CCSER1: variants seen among roughly 807,000 people sequenced by gnomAD.
The protein encoded by CCSER1 is coiled-coil serine rich protein 1.
CCSER1 carries 41 observed loss-of-function variants against 82.0 expected under a neutral mutation model. The observed-to-expected ratio is 0.50, with a 90% CI of 0.39 to 0.65. The LOEUF (loss-of-function observed/expected upper bound fraction) is 0.65, where lower values mean the gene tolerates loss of function less well. Ranked by LOEUF, CCSER1 falls within the 30% of genes least tolerant of loss-of-function variation. CCSER1 has a pLI of 0.00. For synonymous variants in CCSER1, 414 were observed against 383.9 expected (o/e 1.08, Z -0.92); for missense variants, 1,119 against 1,064.2 (o/e 1.05, Z -0.72).
At chr4:91,044,114 G>C (rs928999626) in intron 9 of CCSER1, among the ~76,000 whole-genome samples, 2 of 152,152 alleles carry the variant, frequency 1.3e-5, no homozygotes, top group African/African-American at 4.8e-5. Flanking sequence ...AGTGTGTGGG[G>C]TCTGGGCAAA....
chr4:91,598,918 A>G lies in CCSER1; in HGVS notation c.2564A>G (p.Gln855Arg). The G allele has an allele frequency of 6.4e-7, 1 of 1,551,620 alleles. No individual in the cohort carries two copies. The highest frequency in any genetic ancestry group is 1.2e-5 in the South Asian group (1 of 84,064). ...AAGGACCAAGTTGCTACGGCCCGAC[A>G]GCATTCGACCTTTACAGGCAGGTTT... ...KPKDQVATAR[Q>R]HSTFTGRFGQ... Residue 855 changes from glutamine (Q) to arginine (R), a missense_variant, in exon 11 of 11, where the codon CAG (glutamine) becomes CGG (arginine). Coordinates refer to ENST00000509176, the MANE Select transcript of CCSER1 (RefSeq NM_001145065.2).
chr4:90,295,469 T>C (rs1446688776), intron 1 of CCSER1, among the ~76,000 whole-genome samples: 1 of 152,028 alleles, frequency 6.6e-6, no homozygotes, highest in Non-Finnish European at 1.5e-5. Flanking sequence ...GTTACTATTC[T>C]TTGCTCCCTT....
intron 4 of CCSER1, among the ~76,000 whole-genome samples, chr4:90,422,396 T>C (rs1006881588): frequency 6.6e-6 from 1 of 152,096 alleles, no homozygotes; most frequent in Non-Finnish European, 1.5e-5. Context: ...AGTTCAAGAC[T>C]AGCCTAGACA....
At chr4:90,861,011 A>G (rs1001652175) in intron 8 of CCSER1, among the ~76,000 whole-genome samples, 1 of 151,696 alleles carries the variant, frequency 6.6e-6, no homozygotes, top group African/African-American at 2.4e-5. Context: ...ATTTTATTGT[A>G]TATGAATTAT....
intron 1 of CCSER1, among the ~76,000 whole-genome samples, chr4:90,300,205 A>C (rs1034708811): frequency 6.6e-6 from 1 of 152,186 alleles, no homozygotes; most frequent in African/African-American, 2.4e-5. Context: ...AGGTCAGACT[A>C]CTGATCTCAC....
chr4:91,282,853 C>G (rs1743020092), intron 10 of CCSER1, among the ~76,000 whole-genome samples: 1 of 152,032 alleles, frequency 6.6e-6, no homozygotes, highest in Non-Finnish European at 1.5e-5. Context: ...TTAACTGATT[C>G]TGAACCAAAT....
chr4:90,539,704 A>G (rs1775866417), intron 5 of CCSER1, among the ~76,000 whole-genome samples: 1 of 152,126 alleles, frequency 6.6e-6, no homozygotes, highest in Non-Finnish European at 1.5e-5. Context: ...TCTGTCTCAA[A>G]GTTTTGTAGG....
At chr4:90,333,840 T>C (rs983678795) in intron 3 of CCSER1, among the ~76,000 whole-genome samples, 1 of 152,202 alleles carries the variant, frequency 6.6e-6, no homozygotes, top group East Asian at 1.9e-4. Flanking sequence ...GAAAGTTGGA[T>C]ACAAAATCGG....
intron 8 of CCSER1, among the ~76,000 whole-genome samples, chr4:90,865,975 A>G (rs188922850): frequency 1.3e-5 from 2 of 152,090 alleles, no homozygotes; most frequent in Admixed American, 1.3e-4. Flanking sequence ...CATGTCTTAC[A>G]TGGTCAGAGC....
At chr4:90,347,808 T>G (rs1742656221) in intron 3 of CCSER1, among the ~76,000 whole-genome samples, 1 of 151,986 alleles carries the variant, frequency 6.6e-6, no homozygotes, top group Admixed American at 6.6e-5. Flanking sequence ...AATGTTCAGT[T>G]GAAGTAAAAG....
intron 10 of CCSER1, among the ~76,000 whole-genome samples, chr4:91,115,460 G>A (rs886553965): frequency 9.9e-5 from 15 of 151,980 alleles, no homozygotes; most frequent in African/African-American, 3.4e-4. Context: ...CCAAGTGGTT[G>A]GGACTACAGG....
chr4:90,902,627 A>T (rs1433480643), intron 8 of CCSER1, among the ~76,000 whole-genome samples: 1 of 151,884 alleles, frequency 6.6e-6, no homozygotes, highest in Non-Finnish European at 1.5e-5. Flanking sequence ...TGTTGTAGTG[A>T]TGTGTTAGAC....
intron 10 of CCSER1, among the ~76,000 whole-genome samples, chr4:91,395,501 T>C (rs1485606973): frequency 6.6e-6 from 1 of 152,012 alleles, no homozygotes; most frequent in African/African-American, 2.4e-5. Flanking sequence ...ATTTGTGGAC[T>C]GAGGTGTGTC....
intron 6 of CCSER1, among the ~76,000 whole-genome samples, chr4:90,633,391 T>C (rs1297414390): frequency 6.6e-6 from 1 of 152,042 alleles, no homozygotes; most frequent in Non-Finnish European, 1.5e-5. Context: ...AGATTTAATT[T>C]AATCAAGACC....
chr4:90,542,491 G>A (rs534968322), intron 5 of CCSER1, among the ~76,000 whole-genome samples: 19 of 152,110 alleles, frequency 1.2e-4, no homozygotes, highest in South Asian at 2.1e-4. Context: ...TTCATGCACC[G>A]CAATCAAGTT....
At position 91,123,098 on chromosome 4, in the gene CCSER1, AC is replaced by A. The variant is rs200557625; in HGVS notation, c.2217+37106del. 2.0e-4 allele frequency among the ~76,000 whole-genome samples: 30 copies of A among 151,818 alleles called. No individual in the cohort carries two copies. The East Asian group carries it at 5.4e-3, about 27-fold the overall frequency. Reference sequence around the variant, plus strand: ...GCTGCAATCATGCTTGTTCAATGATACCTTTTTTAAAGAAAGTGTATTTCAT... The same window carrying A: ...GCTGCAATCATGCTTGTTCAATGATACTTTTTTAAAGAAAGTGTATTTCAT... On this transcript the variant is annotated intron_variant, in intron 10 of 10. Coordinates refer to ENST00000509176, the MANE Select transcript of CCSER1 (RefSeq NM_001145065.2).
At chr4:90,191,338 G>A (rs1033619697) in intron 1 of CCSER1, among the ~76,000 whole-genome samples, 4 of 152,010 alleles carry the variant, frequency 2.6e-5, no homozygotes, top group Admixed American at 2.6e-4. Flanking sequence ...ACATGTACTA[G>A]TTTATACGGA....
rs181586249 is a variant in CCSER1 at position 90,489,851 on chromosome 4, T to G, written c.1724+21497T>G. 4.4e-3 allele frequency among the ~76,000 whole-genome samples: 672 copies of G among 152,314 alleles called. 7 individuals are homozygous for G. The highest frequency in any genetic ancestry group is 0.016 in the African/African-American group (651 of 41,572). On this transcript the variant is annotated intron_variant, in intron 5 of 10. Coordinates refer to ENST00000509176, the MANE Select transcript of CCSER1 (RefSeq NM_001145065.2). ...TCATGTCCCTACAAAGGACATGAACTCATCCATTTTTATGGCTGCATAGTA... is the reference window on the plus strand; with the variant it reads ...TCATGTCCCTACAAAGGACATGAACGCATCCATTTTTATGGCTGCATAGTA...
At chr4:91,154,256 C>G (rs1262865043) in intron 10 of CCSER1, among the ~76,000 whole-genome samples, 3 of 152,026 alleles carry the variant, frequency 2.0e-5, no homozygotes. Context: ...AGTTTGATCT[C>G]AGACTGCTGT....
Sources: allele counts gnomAD v4.1 joint callset (sites outside exome capture counted in the v4.1 genomes callset), GRCh38; gene constraint gnomAD v4.1.1; transcripts MANE v1.5; gene names NCBI Gene and HGNC (gene_info 2026-07-23, HGNC 2026-07-21).